Variants in ALDH1L1 observed in about 807,000 individuals in gnomAD.
ALDH1L1 encodes the protein aldehyde dehydrogenase 1 family member L1, also known as cytosolic 10-formyltetrahydrofolate dehydrogenase.
Under a neutral mutation model 101.1 loss-of-function variants are expected in ALDH1L1, and 68 were observed. That is an observed-to-expected ratio of 0.67 (90% CI 0.55 to 0.82). The LOEUF (loss-of-function observed/expected upper bound fraction) is 0.82, where lower values mean the gene tolerates loss of function less well. Ranked by LOEUF, ALDH1L1 falls within the 40% of genes least tolerant of loss-of-function variation. The probability of loss-of-function intolerance (pLI) is 0.00; values close to 1 mark genes in which losing one functional copy is unlikely to be tolerated. For synonymous variants in ALDH1L1, 486 were observed against 470.8 expected (o/e 1.03, Z -0.42); for missense variants, 1,087 against 1,172.7 (o/e 0.93, Z 1.07).
intron 1 of ALDH1L1, among the ~76,000 whole-genome samples, chr3:126,191,347 G>A (rs2081552251): frequency 6.6e-6 from 1 of 152,176 alleles, no homozygotes; most frequent in Non-Finnish European, 1.5e-5. Context: ...TGCTTTTAGT[G>A]GTGAGGATGT....
chr3:126,117,946 G>C, intron 17 of ALDH1L1, 59 bp downstream of exon 17: 10 of 1,489,580 alleles, frequency 6.7e-6, no homozygotes, highest in Non-Finnish European at 8.3e-6. Context: ...GGACAGCACT[G>C]CCATGTCCCA....
intron 12 of ALDH1L1, 56 bp downstream of exon 12, chr3:126,135,479 C>T (rs752155387): frequency 6.4e-7 from 1 of 1,573,190 alleles, no homozygotes; most frequent in Non-Finnish European, 8.6e-7. Flanking sequence ...CCCCCCCGTG[C>T]CACTGCCCAG....
intron 14 of ALDH1L1, among the ~76,000 whole-genome samples, chr3:126,127,559 G>C (rs2080215399): frequency 6.6e-6 from 1 of 152,152 alleles, no homozygotes. Context: ...AAGGTTTCTT[G>C]GTGTCCCCAA....
In ALDH1L1 at chr3:126,105,741, AT is replaced by A. The variant is rs1945844352; in HGVS notation, c.2637del (p.Phe880LeufsTer5). ...AAPFGGFKQS[G>X]FGKDLGEAAL... ...AGTAGGTTACCTAGATCTTTGCCAA[AT>A]CCAGACTGTTTGAATCCTCCGAAGG... On this transcript the variant is annotated frameshift_variant, in exon 22 of 23. Transcript: ENST00000393434. LOFTEE classifies it high-confidence loss of function. 6.2e-7 allele frequency: 1 copy of A among 1,614,110 alleles called. No individual in the cohort carries two copies. The highest frequency in any genetic ancestry group is 2.2e-5 in the East Asian group (1 of 44,902).
At chr3:126,185,494 G>A (rs2081510107), upstream of ALDH1L1, among the ~76,000 whole-genome samples, 1 of 152,230 alleles carries the variant, frequency 6.6e-6, no homozygotes, top group African/African-American at 2.4e-5. Context: ...GCTTCACCTG[G>A]GAGATAAGGC....
upstream of ALDH1L1, chr3:126,181,159 C>T: frequency 1.4e-6 from 1 of 701,878 alleles, no homozygotes; most frequent in Non-Finnish European, 2.4e-6. Context: ...TCCACTCTCT[C>T]CCTTCTACTC....
intron 1 of ALDH1L1, among the ~76,000 whole-genome samples, chr3:126,169,410 G>A (rs2081229892): frequency 6.6e-6 from 1 of 152,146 alleles, no homozygotes; most frequent in Admixed American, 6.5e-5. Flanking sequence ...TTTTGTAACA[G>A]AATACAATTG....
At chr3:126,180,975 C>A (rs1386863687), upstream of ALDH1L1, 6 of 1,610,582 alleles carry the variant, frequency 3.7e-6, no homozygotes, top group African/African-American at 6.7e-5. Flanking sequence ...CCATGTGCTA[C>A]GGACACAGCA....
Position 126,158,596 on chromosome 3 carries a change from G to T in ALDH1L1, c.171C>A (p.Ser57=). Residue 57 remains serine, a synonymous_variant, in exon 3 of 23, where the codon TCC becomes TCA. Coordinates refer to ENST00000393434, the MANE Select transcript of ALDH1L1 (RefSeq NM_012190.4). ...EKDGVPVFKY[S]RWRAKGQALP... ...AAGCCTGTCCTTTTGCACGCCACCG[G>T]GAGTACTTGAATACCGGCACTCCAT... 6.2e-7 allele frequency: 1 copy of T among 1,613,978 alleles called. No homozygotes were observed. The highest frequency in any genetic ancestry group is 8.5e-7 in the Non-Finnish European group (1 of 1,179,848).
intron 1 of ALDH1L1, among the ~76,000 whole-genome samples, chr3:126,178,751 T>TGC (rs1191206390): frequency 2.7e-5 from 4 of 147,872 alleles, no homozygotes; most frequent in Admixed American, 2.0e-4. Flanking sequence ...TAAGTTTGTG[T>TGC]GTGTGTGTGT....
rs1334882142 is a variant in ALDH1L1 at position 126,157,596 on chromosome 3, C to CAGG, written c.363-91_363-89dup. The CAGG allele has an allele frequency of 3.5e-6, 5 of 1,444,380 alleles. No homozygotes were observed. The African/African-American group carries it at 7.1e-5, about 20-fold the overall frequency. The allele number at this position is 1,444,380 out of a possible 1,614,324, so 89.5% of individuals were successfully genotyped here. ...ACAGGCCCGTGGACCTGCCACCCTC[C>CAGG]AGGAGGCCCTCTCTTCCCAGGGGTA... On this transcript the variant is annotated intron_variant, in intron 3 of 22. Transcript: ENST00000393434.
At chr3:126,124,670 T>C (rs1348104605) in intron 15 of ALDH1L1, among the ~76,000 whole-genome samples, 4 of 152,120 alleles carry the variant, frequency 2.6e-5, no homozygotes, top group Admixed American at 2.6e-4. Context: ...TGGGCCAACA[T>C]CTGGTGCCCT....
chr3:126,158,999 C>A (rs757968965), intron 2 of ALDH1L1, among the ~76,000 whole-genome samples: 18 of 152,190 alleles, frequency 1.2e-4, no homozygotes, highest in Non-Finnish European at 2.2e-4. Context: ...GGACTGCCCC[C>A]CTGCAGATGG....
At chr3:126,194,174 C>T (rs1370907734) in intron 1 of ALDH1L1, among the ~76,000 whole-genome samples, 1 of 152,058 alleles carries the variant, frequency 6.6e-6, no homozygotes, top group African/African-American at 2.4e-5. Context: ...ACATAATAAC[C>T]ATAATTATGA....
rs752731733 is a variant in ALDH1L1 at position 126,107,264 on chromosome 3, G to A, written c.2348-18C>T. 6.2e-7 allele frequency: 1 copy of A among 1,603,470 alleles called. No homozygotes were observed. The highest frequency in any genetic ancestry group is 2.2e-5 in the East Asian group (1 of 44,812). On this transcript the variant is annotated intron_variant, in intron 20 of 22. Transcript: ENST00000393434. ...GAAGAACCCTGCAAGAGAGATAAAA[G>A]CCCGTTGCACATGGGAGACACGGTG...
intron 14 of ALDH1L1, among the ~76,000 whole-genome samples, chr3:126,126,393 G>A (rs9862377): frequency 0.048 from 7,263 of 152,240 alleles, 514 homozygotes; most frequent in African/African-American, 0.15. Flanking sequence ...TTGGTTGAGC[G>A]CTGGACAGTC....
intron 1 of ALDH1L1, among the ~76,000 whole-genome samples, chr3:126,196,362 A>G (rs7622374): frequency 0.7 from 105,721 of 150,464 alleles, 38,231 homozygotes; most frequent in African/African-American, 0.9. Context: ...AATGCCTGGG[A>G]TTCCATGAAG....
chr3:126,145,009 A>C (rs2080645334), intron 9 of ALDH1L1, among the ~76,000 whole-genome samples: 1 of 152,226 alleles, frequency 6.6e-6, no homozygotes, highest in Non-Finnish European at 1.5e-5. Flanking sequence ...CAATTTAAAA[A>C]TGGGCAAAGA....
upstream of ALDH1L1, among the ~76,000 whole-genome samples, chr3:126,185,126 A>G (rs1025799234): frequency 2.6e-4 from 40 of 152,206 alleles, no homozygotes; most frequent in African/African-American, 9.2e-4. Flanking sequence ...GCTCTGTGCC[A>G]CACACCAGAG....
Sources: gnomAD v4.1 joint callset for allele counts (sites outside exome capture counted in the v4.1 genomes callset) on GRCh38, gnomAD v4.1.1 for gene constraint, MANE v1.5 for transcripts, NCBI Gene and HGNC (gene_info 2026-07-23, HGNC 2026-07-21) for gene names.